The following PAX6 variants were observed in gnomAD, a reference collection of about 807,000 sequenced individuals.
PAX6 encodes paired box protein Pax-6.
In PAX6, 7 loss-of-function variants were observed where a neutral mutation model predicts 60.7. The observed-to-expected ratio is 0.12, with a 90% CI of 0.07 to 0.22. The LOEUF is 0.22. PAX6 is among the 10% of genes least tolerant of loss of function. The pLI is 1.00. For missense variants in PAX6, 355 were observed against 555.2 expected (o/e 0.64, Z 3.62); for synonymous variants, 208 against 201.2 (o/e 1.03, Z -0.29).
intron 2 of PAX6, chr11:31,809,551 C>T (rs1956594077): frequency 6.6e-6 from 1 of 152,234 alleles, no homozygotes; most frequent in Non-Finnish European, 1.5e-5. Context: ...AACTCCATTT[C>T]CCCCAATTAC....
chr11:31,816,538 T>C, intron 1 of PAX6: 2 of 702,574 alleles, frequency 2.8e-6, no homozygotes, highest in Non-Finnish European at 5.2e-6. Flanking sequence ...GGGTTTGATT[T>C]ATGACTGGAG....
chr11:31,790,810 G>T lies in PAX6; in HGVS notation c.1125C>A (p.Ser375Arg). ...CATAACTCCGCCCATTCACCGAAGG[G>T]CTGGTGGGCAGCATGCAGGAGTATG... is the stretch of plus-strand genomic sequence containing the variant. Reference protein sequence around the residue: ...TSSYSCMLPTSPSVNGRSYDT... With the variant: ...TSSYSCMLPTRPSVNGRSYDT... Residue 375 changes from serine (S) to arginine (R), a missense_variant, in exon 13 of 14, where the codon AGC becomes AGA. Coordinates refer to ENST00000640368, the MANE Select transcript of PAX6 (RefSeq NM_001368894.2). 6.2e-7 allele frequency: 1 copy of T among 1,614,144 alleles called. No individual in the cohort carries two copies. The highest frequency in any genetic ancestry group is 1.7e-5 in the Admixed American group (1 of 60,024).
chr11:31,807,412 C>A (rs1956082907), intron 2 of PAX6: 1 of 152,232 alleles, frequency 6.6e-6, no homozygotes, highest in East Asian at 1.9e-4. Flanking sequence ...CTTCACAAGA[C>A]CCCCAGAACC....
intron 9 of PAX6, 41 bp from the exon 10 acceptor site, chr11:31,794,155 C>A: frequency 7.5e-7 from 1 of 1,340,340 alleles, no homozygotes; most frequent in East Asian, 2.3e-5. Context: ...GCCAGAACTA[C>A]ACAAAATATG....
At chr11:31,790,096 A>C (rs2516010) in intron 13 of PAX6, 77 bp from the exon 14 acceptor site, 1 of 531,192 alleles carries the variant, frequency 1.9e-6, no homozygotes, top group Non-Finnish European at 3.1e-6. Context: ...TTATAGGTTT[A>C]CAAAAAAAAA....
At chr11:31,795,764 C>T (rs985022842) in intron 8 of PAX6, among the ~76,000 whole-genome samples, 2 of 152,250 alleles carry the variant, frequency 1.3e-5, no homozygotes, top group African/African-American at 2.4e-5. Context: ...AGCTGGCTCC[C>T]GGCTTGCACC....
At position 31,802,105 on chromosome 11, in the gene PAX6, C is replaced by T. The variant is rs1052147921; in HGVS notation, c.142-193G>A. ...AACACTGCCTGAAGATGCATCAAAA[C>T]GAAGTAGATAAATTTATTTTTGTGC... is the stretch of plus-strand genomic sequence containing the variant. On this transcript the variant is annotated intron_variant, in intron 5 of 13. Transcript: ENST00000640368. 2.5e-5 allele frequency: 15 copies of T among 589,540 alleles called. No individual in the cohort carries two copies. In the African/African-American group the frequency reaches 2.8e-4, roughly 11 times the overall value. The allele number at this position is 589,540 out of a possible 1,614,324, so 36.5% of individuals were successfully genotyped here.
upstream of PAX6, chr11:31,811,367 C>T (rs76139480): frequency 3.0e-5 from 12 of 398,226 alleles, no homozygotes; most frequent in South Asian, 1.7e-3. Context: ...TTATGCAAAG[C>T]AGCGCCGGGG....
intron 2 of PAX6, among the ~76,000 whole-genome samples, chr11:31,809,053 G>A (rs1209908858): frequency 1.3e-5 from 2 of 152,146 alleles, no homozygotes; most frequent in African/African-American, 4.8e-5. Flanking sequence ...GTTTTCAAAT[G>A]CTGTTCTTTT....
chr11:31,817,098 G>T (rs1957417504), intron 1 of PAX6, among the ~76,000 whole-genome samples: 1 of 152,228 alleles, frequency 6.6e-6, no homozygotes, highest in Non-Finnish European at 1.5e-5. Context: ...TGGCGCCCGC[G>T]CGCTTCCCGC....
chr11:31,794,336 G>C (rs756993705), intron 9 of PAX6: 3 of 625,192 alleles, frequency 4.8e-6, no homozygotes, highest in East Asian at 5.5e-5. Context: ...GCCTGAAATA[G>C]CCAAATCATC....
chr11:31,795,175 A>G (rs1029986404), intron 8 of PAX6, among the ~76,000 whole-genome samples: 3 of 152,254 alleles, frequency 2.0e-5, no homozygotes, highest in Non-Finnish European at 4.4e-5. Flanking sequence ...TCAAGATTTC[A>G]GTTGATCTAT....
At chr11:31,816,728 G>A in intron 1 of PAX6, 3 of 688,910 alleles carry the variant, frequency 4.4e-6, no homozygotes, top group Non-Finnish European at 7.9e-6. Flanking sequence ...GTCGGGCGGA[G>A]GTCCCAACAC....
upstream of PAX6, chr11:31,814,081 CG>C (rs1957258698): frequency 2.0e-5 from 3 of 152,142 alleles, no homozygotes; most frequent in African/African-American, 7.2e-5. Context: ...GCGGGGATTG[CG>C]CTTTAGGTTC....
chr11:31,790,068 C>G, intron 13 of PAX6, 49 bp from the exon 14 acceptor site: 2 of 460,370 alleles, frequency 4.3e-6, no homozygotes, highest in Non-Finnish European at 6.8e-6. Context: ...CTTTGAGAAA[C>G]AGACATGGAA....
Position 31,801,774 on chromosome 11 carries a change from C to T in PAX6, c.186G>A (p.Val62=). The part of the protein sequence containing the change: ...AKVQVLDNQN[V]SNGCVSKILG... ...GAATTTTACTCACACATCCGTTGGA[C>T]ACCTGCATAGGGGAAGTGGACAGAA... The change falls in exon 7 of 14, where the codon GTG becomes GTA. Residue 62 remains valine (V), a splice_region_variant and synonymous_variant. Transcript: ENST00000640368. 6.2e-7 allele frequency: 1 copy of T among 1,614,194 alleles called. No homozygotes were observed. The highest frequency in any genetic ancestry group is 8.5e-7 in the Non-Finnish European group (1 of 1,180,026).
chr11:31,802,053 CTTT>C, intron 5 of PAX6, 141 bp from the exon 6 acceptor site: 1 of 745,598 alleles, frequency 1.3e-6, no homozygotes, highest in African/African-American at 1.8e-5. Flanking sequence ...AATTTAAAAG[CTTT>C]TTTTAAAAAA....
At chr11:31,791,789 C>G (rs1950053988) in intron 12 of PAX6, 1 of 152,130 alleles carries the variant, frequency 6.6e-6, no homozygotes, top group African/African-American at 2.4e-5. Context: ...TGATTTTGGT[C>G]AAGAGAATGA....
intron 4 of PAX6, chr11:31,806,153 G>T (rs1301873130): frequency 8.2e-6 from 4 of 489,992 alleles, no homozygotes; most frequent in Non-Finnish European, 1.4e-5. Flanking sequence ...CTCTACCGCA[G>T]CTTCGAAAAC....
Sources: allele counts gnomAD v4.1 joint callset (sites outside exome capture counted in the v4.1 genomes callset), GRCh38; gene constraint gnomAD v4.1.1; transcripts MANE v1.5; gene names NCBI Gene and HGNC (gene_info 2026-07-23, HGNC 2026-07-21).